UNC80: variants seen among roughly 807,000 people sequenced by gnomAD.
UNC80 encodes protein unc-80 homolog.
In UNC80, 164 loss-of-function variants were observed where a neutral mutation model predicts 384.6. That is an observed-to-expected ratio of 0.43 (90% CI 0.38 to 0.49). UNC80 has a LOEUF of 0.49. Among genes scored for constraint, UNC80 ranks in the 20% least tolerant of loss-of-function variants. The pLI, the probability that UNC80 is intolerant of heterozygous loss-of-function variation, is 0.00. For missense variants in UNC80, 3,330 were observed against 4,143.0 expected (o/e 0.80, Z 5.39); for synonymous variants, 1,486 against 1,527.8 (o/e 0.97, Z 0.64).
At chr2:209,783,080 T>G (rs2077237269) in intron 4 of UNC80, among the ~76,000 whole-genome samples, 1 of 152,166 alleles carries the variant, frequency 6.6e-6, no homozygotes, top group Admixed American at 6.6e-5. Flanking sequence ...TAATAGTTGT[T>G]TCTTTAAATC....
At chr2:209,817,597 C>T (rs1051284030) in intron 10 of UNC80, among the ~76,000 whole-genome samples, 4 of 152,048 alleles carry the variant, frequency 2.6e-5, no homozygotes, top group Non-Finnish European at 5.9e-5. Flanking sequence ...TGACATTTGG[C>T]TAAGATTGGG....
At chr2:209,967,358 T>C (rs1320868633) in intron 51 of UNC80, 79 bp from the exon 52 acceptor site, 5 of 1,089,322 alleles carry the variant, frequency 4.6e-6, no homozygotes, top group East Asian at 2.9e-5. Flanking sequence ...GTGATTAACA[T>C]GTTGCTGTGT....
Position 209,796,937 on chromosome 2 carries a change from C to T in UNC80, c.938+3078C>T, listed in dbSNP as rs558692157. 1.1e-4 allele frequency among the ~76,000 whole-genome samples: 16 copies of T among 152,296 alleles called. No homozygotes were observed. In the South Asian group the frequency reaches 3.1e-3, roughly 30 times the overall value. ...CAATCCAATTTAAGAACATTTTCAT[C>T]ACCCGAAAATGTCCCTTGTGCCCAT... On this transcript the variant is annotated intron_variant, in intron 7 of 64. Transcript: ENST00000673920.
chr2:209,878,847 C>T (rs2085013059), intron 24 of UNC80, among the ~76,000 whole-genome samples: 1 of 152,134 alleles, frequency 6.6e-6, no homozygotes, highest in Non-Finnish European at 1.5e-5. Context: ...TTCCTCCTGA[C>T]CTTCCCCTGT....
At chr2:209,993,914 A>G (rs1305466368) in intron 63 of UNC80, 151 bp from the exon 64 acceptor site, 1 of 662,488 alleles carries the variant, frequency 1.5e-6, no homozygotes, top group Admixed American at 3.6e-5. Flanking sequence ...ACATGCGCAA[A>G]ATGTTCAAAC....
rs181464886 is a variant in UNC80 at position 209,961,532 on chromosome 2, A to G, written c.7805+1825A>G. The G allele has an allele frequency of 1.1e-4, 16 of 152,352 alleles. No individual in the cohort carries two copies. In the East Asian group the frequency reaches 2.7e-3, roughly 26 times the overall value. 9.4% of individuals were successfully genotyped at this position (152,352 alleles called of 1,614,324 possible). On this transcript the variant is annotated intron_variant, in intron 51 of 64. Coordinates refer to ENST00000673920, the MANE Select transcript of UNC80 (RefSeq NM_001371986.1). ...GTATACAAATTATAGAGTCAGGATA[A>G]TGTGAAAGATTTTCAAGGAGTTAAT... is the stretch of plus-strand genomic sequence containing the variant.
At chr2:209,986,979 A>T (rs16844035) in intron 61 of UNC80, among the ~76,000 whole-genome samples, 27,359 of 152,122 alleles carry the variant, frequency 0.18, 2,662 homozygotes, top group East Asian at 0.29. Context: ...TGAAGTAGTA[A>T]GGCATTAACC....
At chr2:209,965,578 G>T (rs113554806) in intron 51 of UNC80, among the ~76,000 whole-genome samples, 4,891 of 151,254 alleles carry the variant, frequency 0.032, 161 homozygotes, top group South Asian at 0.14. Flanking sequence ...CCACCACCAC[G>T]CCCAGCTAAT....
chr2:209,882,328 G>A (rs1017607194), intron 25 of UNC80, among the ~76,000 whole-genome samples: 5 of 152,074 alleles, frequency 3.3e-5, no homozygotes, highest in Admixed American at 6.6e-5. Flanking sequence ...AAGGCCAGGC[G>A]GTGTGGGGAG....
intron 29 of UNC80, among the ~76,000 whole-genome samples, chr2:209,905,559 C>T (rs888837919): frequency 6.6e-6 from 1 of 152,108 alleles, no homozygotes; most frequent in African/African-American, 2.4e-5. Context: ...AACCACAGCC[C>T]CGCCAATCCG....
intron 52 of UNC80, chr2:209,968,369 T>A (rs545727545): frequency 1.2e-4 from 18 of 152,330 alleles, no homozygotes; most frequent in Admixed American, 9.8e-4. Flanking sequence ...GAAAATTTTC[T>A]GTCCTTTTAA....
At position 209,970,877 on chromosome 2, in the gene UNC80, C is replaced by T. The variant is rs1575179437; in HGVS notation, c.8176C>T (p.Leu2726Phe). 6.4e-7 allele frequency: 1 copy of T among 1,551,722 alleles called. No individual in the cohort carries two copies. The highest frequency in any genetic ancestry group is 8.7e-7 in the Non-Finnish European group (1 of 1,146,994). ...GPSSVADGLP[L>F]LHLSPYLSPP... ...TTCCAGTGTTGCTGATGGATTACCC[C>T]TTCTTCATCTCAGCCCTTATCTCTC... is the stretch of plus-strand genomic sequence containing the variant. The change falls in exon 54 of 65, where the codon CTT (leucine) becomes TTT (phenylalanine). Residue 2726 changes from leucine (L) to phenylalanine (F), a missense_variant. Leu to Phe is a conservative substitution (Grantham distance 22). Transcript: ENST00000673920.
intron 22 of UNC80, among the ~76,000 whole-genome samples, chr2:209,857,241 T>C (rs2083002353): frequency 6.6e-6 from 1 of 152,184 alleles, no homozygotes; most frequent in South Asian, 2.1e-4. Flanking sequence ...GAAAAATCAT[T>C]TGATTTATAC....
rs781104847 is a variant in UNC80, at chr2:209,976,018, T to C, written c.8588-101T>C. 3.1e-4 allele frequency: 405 copies of C among 1,304,578 alleles called. 2 individuals carry two copies. The highest frequency in any genetic ancestry group is 4.0e-4 in the Non-Finnish European group (386 of 976,918). The allele number at this position is 1,304,578 out of a possible 1,614,324, so 80.8% of individuals were successfully genotyped here. ...TAGAAACATGGAGAGAGCTTAGAAA[T>C]TTAGAAAATTTCTAAAGGTGCATAA... On this transcript the variant is annotated intron_variant, in intron 56 of 64. Transcript: ENST00000673920. This position sits in a 1 kb window ranked among gnomAD's most constrained non-coding sequence, Gnocchi z 4.3.
At chr2:209,891,856 A>G (rs975785553) in intron 26 of UNC80, among the ~76,000 whole-genome samples, 2 of 152,168 alleles carry the variant, frequency 1.3e-5, no homozygotes, top group African/African-American at 4.8e-5. Context: ...CAATAGAGAC[A>G]CTGCTAATTA....
At chr2:209,994,016 C>T in intron 63 of UNC80, 49 bp from the exon 64 acceptor site, 1 of 1,487,684 alleles carries the variant, frequency 6.7e-7, no homozygotes, top group Non-Finnish European at 9.0e-7. Flanking sequence ...CATTGACGGT[C>T]CGTTTCCACC....
rs142738347 is a variant in UNC80, at chr2:209,875,594, A to G, written c.3841-2360A>G. On this transcript the variant is annotated intron_variant, in intron 23 of 64. Coordinates refer to ENST00000673920, the MANE Select transcript of UNC80 (RefSeq NM_001371986.1). ...TCTCAAGAATGTGAAATGAAGTTCA[A>G]CTTCAAGAACTGTAGGATCTGATCC... Among the ~76,000 whole-genome samples the G allele has an allele frequency of 2.2e-4, 33 of 152,296 alleles. No homozygotes were observed. The East Asian group carries it at 4.8e-3, about 22-fold the overall frequency.
intron 51 of UNC80, among the ~76,000 whole-genome samples, chr2:209,962,187 A>T (rs949461043): frequency 1.3e-5 from 2 of 152,154 alleles, no homozygotes; most frequent in African/African-American, 4.8e-5. Context: ...ACACAGAAAG[A>T]TGGGGGAAAT....
chr2:209,779,934 C>A (rs551305511), intron 4 of UNC80, among the ~76,000 whole-genome samples: 1 of 152,274 alleles, frequency 6.6e-6, no homozygotes, highest in South Asian at 2.1e-4. Flanking sequence ...GAATCCAGTG[C>A]CTGCTGTGCT....
Sources: gnomAD v4.1 joint callset for allele counts (sites outside exome capture counted in the v4.1 genomes callset) on GRCh38, gnomAD v4.1.1 for gene constraint, Gnocchi (gnomAD v3.1) non-coding constraint, MANE v1.5 for transcripts, NCBI Gene and HGNC (gene_info 2026-07-23, HGNC 2026-07-21) for gene names.